SFTPD: variants seen among roughly 807,000 people sequenced by gnomAD.
SFTPD encodes the protein surfactant protein D.
In SFTPD, 18 loss-of-function variants were observed where a neutral mutation model predicts 34.6. That is an observed-to-expected ratio of 0.52 (90% CI 0.36 to 0.77). SFTPD has a LOEUF of 0.77. Among genes scored for constraint, SFTPD ranks in the 30% least tolerant of loss-of-function variants. The probability of loss-of-function intolerance (pLI) is 0.00; values close to 1 mark genes in which losing one functional copy is unlikely to be tolerated. For missense variants in SFTPD, 433 were observed against 468.9 expected (o/e 0.92, Z 0.71); for synonymous variants, 155 against 180.9 (o/e 0.86, Z 1.15).
intron 4 of SFTPD, 76 bp downstream of exon 4, chr10:79,942,312 C>A: frequency 9.8e-7 from 1 of 1,016,354 alleles, no homozygotes; most frequent in Non-Finnish European, 1.5e-6. Context: ...GCACTCTGAG[C>A]ACGCCTCAGG....
At position 79,942,666 on chromosome 10, in the gene SFTPD, C is replaced by G. The variant is rs1998375; in HGVS notation, c.316+97G>C. On this transcript the variant is annotated intron_variant, in intron 3 of 7. Transcript: ENST00000372292. ...ATGACCCAGTGCCACCTTCAGACAA[C>G]CTTCTTCCTGGGATGGGCTCTGTGC... 2,726 of 1,004,778 alleles carry G rather than the reference C, an allele frequency of 2.7e-3. 54 individuals are homozygous for G. The African/African-American group carries it at 0.038, about 14-fold the overall frequency. 62.2% of individuals were successfully genotyped at this position (1,004,778 alleles called of 1,614,324 possible). A position where few individuals can be genotyped will look rare whatever the true frequency, so the allele number is the denominator to read the frequency against.
At chr10:79,948,002 T>TG (rs1842683309) in intron 1 of SFTPD, among the ~76,000 whole-genome samples, 2 of 152,316 alleles carry the variant, frequency 1.3e-5, no homozygotes, top group East Asian at 1.9e-4. Context: ...TGGTGGCAAG[T>TG]GGGGGGCTTC....
At position 79,943,694 on chromosome 10, in the gene SFTPD, C is replaced by T. The variant is rs17879081; in HGVS notation, c.200-815G>A. 1.8e-3 allele frequency among the ~76,000 whole-genome samples: 270 copies of T among 152,286 alleles called. 2 individuals carry two copies. Among genetic ancestry groups the T allele is most frequent in the Middle Eastern group, 3.4e-3 (1 of 294 alleles). ...GTGCTGGCGTATCCCAGCAGCACCA[C>T]CACCTGGAAACATCTGAATTCCATG... On this transcript the variant is annotated intron_variant, in intron 2 of 7. Transcript: ENST00000372292.
intron 1 of SFTPD, among the ~76,000 whole-genome samples, chr10:79,976,649 C>T (rs891349714): frequency 2.6e-5 from 4 of 152,212 alleles, no homozygotes; most frequent in African/African-American, 7.2e-5. Flanking sequence ...TCCACCTCCC[C>T]CTTCTGAGAA....
intron 1 of SFTPD, among the ~76,000 whole-genome samples, chr10:79,975,988 A>G (rs1159536286): frequency 6.6e-6 from 1 of 152,166 alleles, no homozygotes; most frequent in Non-Finnish European, 1.5e-5. Flanking sequence ...CGTGGGTGTT[A>G]TGGTTATCAT....
chr10:79,982,012 A>C (rs1279327159), intron 1 of SFTPD: 1 of 290,636 alleles, frequency 3.4e-6, no homozygotes, highest in Non-Finnish European at 6.4e-6. Context: ...CCCCAGGAAG[A>C]GCGCGCCGGG....
At chr10:79,945,961 A>G (rs1842660973) in intron 2 of SFTPD, among the ~76,000 whole-genome samples, 2 of 152,350 alleles carry the variant, frequency 1.3e-5, no homozygotes, top group Admixed American at 1.3e-4. Flanking sequence ...ATGCCCAAGC[A>G]CAAGGGTGGA....
At chr10:79,981,499 C>T (rs549859309) in intron 1 of SFTPD, among the ~76,000 whole-genome samples, 34 of 152,250 alleles carry the variant, frequency 2.2e-4, no homozygotes, top group Middle Eastern at 3.4e-3. Flanking sequence ...TGGGGAACCT[C>T]CTCCCCGCCT....
chr10:79,960,981 A>G (rs1417577837), intron 1 of SFTPD, among the ~76,000 whole-genome samples: 1 of 152,216 alleles, frequency 6.6e-6, no homozygotes, highest in Non-Finnish European at 1.5e-5. Flanking sequence ...GAGCCCTCAG[A>G]AATAATGCCG....
chr10:79,951,955 T>C (rs1885553), upstream of SFTPD, among the ~76,000 whole-genome samples: 46,167 of 152,124 alleles, frequency 0.3, 7,468 homozygotes, highest in Non-Finnish European at 0.33. Flanking sequence ...GGAAGGAGTA[T>C]ACCAGCTCCA....
At chr10:79,973,940 G>T in intron 1 of SFTPD, among the ~76,000 whole-genome samples, 1 of 152,126 alleles carries the variant, frequency 6.6e-6, no homozygotes, top group Admixed American at 6.5e-5. Context: ...TTTTTTACTG[G>T]TGGATTACTC....
chr10:79,938,768 A>C (rs1322733732), intron 7 of SFTPD, among the ~76,000 whole-genome samples: 1 of 152,104 alleles, frequency 6.6e-6, no homozygotes, highest in East Asian at 1.9e-4. Context: ...AAGGGGAGAG[A>C]CAGGAAGAGG....
At chr10:79,971,818 G>T (rs948968667) in intron 1 of SFTPD, 4 of 152,098 alleles carry the variant, frequency 2.6e-5, no homozygotes, top group Non-Finnish European at 5.9e-5. Flanking sequence ...CCTTGGAATT[G>T]ACCGTTTTGG....
rs1250631869 is a variant in SFTPD at position 79,938,227 on chromosome 10, A to G, written c.753T>C (p.Val251=). Residue 251 remains valine (V), a splice_region_variant and synonymous_variant, in exon 8 of 8, where the codon GTT becomes GTC. Coordinates refer to ENST00000372292, the MANE Select transcript of SFTPD (RefSeq NM_003019.5). ...LQAAFSQYKK[V]ELFPNGQSVG... The stretch of plus-strand genomic sequence containing the variant: ...CACTTTGGCCATTTGGGAAGAGCTC[A>G]ACTAGGAGAAGAAGAAAGTCAGGTT... 17 of 1,585,982 alleles carry G rather than the reference A, an allele frequency of 1.1e-5. No individual in the cohort carries two copies. The highest frequency in any genetic ancestry group is 1.5e-5 in the Non-Finnish European group (17 of 1,161,100).
chr10:79,952,785 C>G (rs933353143), upstream of SFTPD, among the ~76,000 whole-genome samples: 4 of 152,192 alleles, frequency 2.6e-5, no homozygotes, highest in Middle Eastern at 3.2e-3. Flanking sequence ...CACTTCAACT[C>G]AGGTTTTGGG....
rs781395887 is a variant in SFTPD, at chr10:79,938,125, A to G, written c.855T>C (p.Gly285=). ...CAGAGCGTGGAGAGGCCAACTGTCCACCAGCCTGTGTGCACAGCAGCTGTG... is the reference window on the plus strand; with the variant it reads ...CAGAGCGTGGAGAGGCCAACTGTCCGCCAGCCTGTGTGCACAGCAGCTGTG... The part of the protein sequence containing the change: ...TEAQLLCTQA[G]GQLASPRSAA... Residue 285 remains glycine (G), a synonymous_variant, in exon 8 of 8, where the codon GGT becomes GGC. Coordinates refer to ENST00000372292, the MANE Select transcript of SFTPD (RefSeq NM_003019.5). 2 of 1,613,196 alleles carry G rather than the reference A, an allele frequency of 1.2e-6. No homozygotes were observed. Among genetic ancestry groups the G allele is most frequent in the Non-Finnish European group, 1.7e-6 (2 of 1,179,854 alleles).
chr10:79,954,498 G>C (rs1842728312), intron 1 of SFTPD, among the ~76,000 whole-genome samples: 1 of 152,204 alleles, frequency 6.6e-6, no homozygotes, highest in Non-Finnish European at 1.5e-5. Flanking sequence ...TCTGCCTGCT[G>C]TCAGTATCTG....
At chr10:79,955,957 A>G (rs112273740) in intron 1 of SFTPD, among the ~76,000 whole-genome samples, 3 of 152,210 alleles carry the variant, frequency 2.0e-5, no homozygotes, top group African/African-American at 7.2e-5. Context: ...TAACTGAGTC[A>G]AAGACAAAGA....
chr10:79,978,701 C>CAAAATAAA (rs983087656), intron 1 of SFTPD, among the ~76,000 whole-genome samples: 2 of 112,174 alleles, frequency 1.8e-5, no homozygotes, highest in Non-Finnish European at 3.9e-5. Flanking sequence ...TGTACCTCAA[C>CAAAATAAA]AAAATAAAGG....
Sources: gnomAD v4.1 joint callset for allele counts (sites outside exome capture counted in the v4.1 genomes callset) on GRCh38, gnomAD v4.1.1 for gene constraint, MANE v1.5 for transcripts, NCBI Gene and HGNC (gene_info 2026-07-23, HGNC 2026-07-21) for gene names.